The following WDR90 variants were observed in gnomAD, a reference collection of about 807,000 sequenced individuals.
WDR90 encodes WD repeat-containing protein 90.
In WDR90, 238 loss-of-function variants were observed where a neutral mutation model predicts 195.2. The observed-to-expected ratio is 1.22, with a 90% CI of 1.10 to 1.36. The LOEUF is 1.36. Among genes scored for constraint, WDR90 ranks in the 40% most tolerant of loss-of-function variants. WDR90 has a pLI of 0.00. For missense variants in WDR90, 2,734 were observed against 2,439.5 expected, an observed-to-expected ratio of 1.12 and a Z score of -2.54; for synonymous variants, 1,265 against 1,052.4, an observed-to-expected ratio of 1.20 and a Z score of -3.91.
In WDR90 at chr16:666,970, C is replaced by T. The variant is rs544013484; in HGVS notation, c.5070C>T (p.Leu1690=). 2.5e-6 allele frequency: 4 copies of T among 1,608,054 alleles called. No homozygotes were observed. The African/African-American group carries it at 4.0e-5, about 16-fold the overall frequency. ...MSLSLSPGTH[L]LAVGFAECML... ...TGAGCCTGTCCCCCGGGACCCACCT[C>T]CTGGCTGTTGGCTTTGCTGGTGAGT... The change falls in exon 40 of 41, where the codon CTC becomes CTT. Residue 1690 remains leucine, a synonymous_variant. Transcript: ENST00000293879.
Position 650,306 on chromosome 16 carries a change from C to T in WDR90, c.332C>T (p.Ser111Phe). The T allele has an allele frequency of 6.2e-7, 1 of 1,612,980 alleles. No homozygotes were observed. The highest frequency in any genetic ancestry group is 8.5e-7 in the Non-Finnish European group (1 of 1,179,976). The change falls in exon 4 of 41, where the codon TCT (serine) becomes TTT (phenylalanine). Residue 111 changes from serine (S) to phenylalanine (F), a missense_variant. Transcript: ENST00000293879. Reference protein sequence around the residue: ...SFSNLFKEFKSTATWLQFPLV... With the variant: ...SFSNLFKEFKFTATWLQFPLV... ...TCCAACCTCTTCAAGGAGTTTAAGTCTACGGCCACGTGGCTCCAGTTTCCC... is the reference window on the plus strand; with the variant it reads ...TCCAACCTCTTCAAGGAGTTTAAGTTTACGGCCACGTGGCTCCAGTTTCCC...
chr16:665,905 CAG>C (rs2038016029), intron 35 of WDR90, 43 bp from the exon 36 acceptor site: 2 of 1,561,918 alleles, frequency 1.3e-6, no homozygotes, highest in Non-Finnish European at 1.7e-6. Context: ...TGTGTGTCCT[CAG>C]GGCCCCTGTG....
intron 26 of WDR90, among the ~76,000 whole-genome samples, chr16:659,583 G>A (rs1313398884): frequency 6.6e-6 from 1 of 152,132 alleles, no homozygotes; most frequent in Non-Finnish European, 1.5e-5. Context: ...GTCGGGATGG[G>A]GGCAGCTTTT....
intron 34 of WDR90, chr16:663,156 G>C: frequency 2.2e-6 from 1 of 448,450 alleles, no homozygotes; most frequent in South Asian, 1.9e-5. Context: ...AATCACATCA[G>C]TCCGGGCGTG....
Position 650,086 on chromosome 16 carries a change from G to A in WDR90, c.198G>A (p.Gly66=), listed in dbSNP as rs760449642. 37 of 1,613,046 alleles carry A rather than the reference G, an allele frequency of 2.3e-5. No homozygotes were observed. Among genetic ancestry groups the A allele is most frequent in the Non-Finnish European group, 3.0e-5 (35 of 1,179,974 alleles). The change falls in exon 3 of 41, where the codon GGG becomes GGA. Residue 66 remains glycine (G), a synonymous_variant. Transcript: ENST00000293879. ...QLPKSSTQSL[G]LTGRYLYVLF... ...CTAAGAGCAGCACCCAGTCTCTGGG[G>A]CTGACGGGACGATACCTGTATGTGC... is the stretch of plus-strand genomic sequence containing the variant.
chr16:651,526 T>C, intron 7 of WDR90, 118 bp from the exon 8 acceptor site: 1 of 1,091,376 alleles, frequency 9.2e-7, no homozygotes, highest in Non-Finnish European at 1.3e-6. Flanking sequence ...ATACTGGCTG[T>C]GGGTCCTGCA....
intron 28 of WDR90, 80 bp from the exon 29 acceptor site, chr16:660,971 C>CCCTTT: frequency 4.7e-6 from 2 of 426,480 alleles, no homozygotes; most frequent in Non-Finnish European, 7.0e-6. Flanking sequence ...GCCCCGCCCC[C>CCCTTT]TGTTCGGCCC....
rs544266887 is a variant in WDR90, at chr16:657,749, C to T, written c.2474-13C>T. 123 of 1,541,342 alleles carry T rather than the reference C, an allele frequency of 8.0e-5. No individual in the cohort carries two copies. The African/African-American group carries it at 1.3e-3, about 17-fold the overall frequency. On this transcript the variant is annotated splice_polypyrimidine_tract_variant and intron_variant, in intron 20 of 40. Coordinates refer to ENST00000293879, the MANE Select transcript of WDR90 (RefSeq NM_145294.5). ...CTCCCCACCCAGCTGACCCCTGCCC[C>T]GTGTGGCCACAGCGGACATGGTATG...
intron 34 of WDR90, among the ~76,000 whole-genome samples, chr16:664,339 A>G (rs2037981032): frequency 6.6e-6 from 1 of 152,160 alleles, no homozygotes; most frequent in Admixed American, 6.6e-5. Context: ...TCTCACCCTG[A>G]GCATGGTTTC....
In WDR90 at chr16:666,553, T is replaced by C; in HGVS notation, c.4839T>C (p.Cys1613=). The C allele has an allele frequency of 6.2e-7, 1 of 1,612,706 alleles. No homozygotes were observed. The highest frequency in any genetic ancestry group is 1.1e-5 in the South Asian group (1 of 91,070). Residue 1613 remains cysteine (C), a synonymous_variant, in exon 38 of 41, where the codon TGT becomes TGC. Coordinates refer to ENST00000293879, the MANE Select transcript of WDR90 (RefSeq NM_145294.5). ...VWASDWLRNH[C]ELVDWLSFPM... is the part of the protein sequence containing the mutation. ...CCTCCGACTGGCTGCGGAACCACTG[T>C]GAGCTTGTGGACTGGTTGAGTTTCC...
In WDR90 at chr16:651,874, G is replaced by A. The variant is rs1567214399; in HGVS notation, c.888G>A (p.Leu296=). 3 of 1,610,848 alleles carry A rather than the reference G, an allele frequency of 1.9e-6. No homozygotes were observed. Among genetic ancestry groups the A allele is most frequent in the South Asian group, 2.2e-5 (2 of 91,084 alleles). ...LAPRPFPEVS[L]SQERSDASNA... ...CCAGGCCCTTCCCGGAGGTCAGCCT[G>A]TCCCAAGAGCGCTCAGACGCCTCCA... Residue 296 remains leucine (L), a synonymous_variant, in exon 9 of 41, where the codon CTG becomes CTA. Coordinates refer to ENST00000293879, the MANE Select transcript of WDR90 (RefSeq NM_145294.5).
chr16:666,089 CG>C lies in WDR90; in HGVS notation c.4576del (p.Val1526TrpfsTer3). On this transcript the variant is annotated frameshift_variant, in exon 36 of 41. Coordinates refer to ENST00000293879, the MANE Select transcript of WDR90 (RefSeq NM_145294.5). LOFTEE classifies it high-confidence loss of function. Reference sequence around the variant, plus strand: ...ATGGAGCTCAAGATGCACCCCCACCCGGTGGCGCTGACCACTGTTGCCTTCT... The same window carrying C: ...ATGGAGCTCAAGATGCACCCCCACCCGTGGCGCTGACCACTGTTGCCTTCT... ...TAMELKMHPH[P>X]VALTTVAFST... The C allele has an allele frequency of 1.2e-6, 2 of 1,610,308 alleles. No homozygotes were observed.
chr16:658,790 C>A, intron 23 of WDR90, 106 bp from the exon 24 acceptor site: 1 of 1,553,420 alleles, frequency 6.4e-7, no homozygotes. Context: ...ATCCTCTGTG[C>A]CTCCGGGGCC....
At position 649,994 on chromosome 16, in the gene WDR90, A is replaced by G. The variant is rs758429045; in HGVS notation, c.106A>G (p.Lys36Glu). The G allele has an allele frequency of 6.2e-7, 1 of 1,612,566 alleles. No individual in the cohort carries two copies. The highest frequency in any genetic ancestry group is 8.5e-7 in the Non-Finnish European group (1 of 1,179,848). The change falls in exon 3 of 41, where the codon AAG (lysine) becomes GAG (glutamate). Residue 36 changes from lysine (K) to glutamate (E), a missense_variant. By Grantham distance (56) the Lys-to-Glu change is moderately conservative. Coordinates refer to ENST00000293879, the MANE Select transcript of WDR90 (RefSeq NM_145294.5). ...ATGCGGGCTCCCGCTTCTCCAGGAC[A>G]AGACCCTGAAGGGCGCCGTGTATCG... ...KQGDVAVVTD[K>E]TLKGAVYRIR...
Position 655,823 on chromosome 16 carries a change from G to C in WDR90, c.1900G>C (p.Val634Leu), listed in dbSNP as rs769860233. The change falls in exon 17 of 41, where the codon GTG (valine) becomes CTG (leucine). Residue 634 changes from valine (V) to leucine (L), a missense_variant. Coordinates refer to ENST00000293879, the MANE Select transcript of WDR90 (RefSeq NM_145294.5). The part of the protein sequence containing the change: ...SLSVSPAMCA[V>L]GSEDGFLRLW... Reference sequence around the variant, plus strand: ...CAGCGTCTCCCCGGCCATGTGTGCTGTGGGCTCTGAGGACGGCTTCTTGCG... The same window carrying C: ...CAGCGTCTCCCCGGCCATGTGTGCTCTGGGCTCTGAGGACGGCTTCTTGCG... 3 of 1,596,700 alleles carry C rather than the reference G, an allele frequency of 1.9e-6. No individual in the cohort carries two copies. Among genetic ancestry groups the C allele is most frequent in the Non-Finnish European group, 2.6e-6 (3 of 1,173,424 alleles).
chr16:660,276 C>T, intron 27 of WDR90, 115 bp downstream of exon 27: 1 of 961,576 alleles, frequency 1.0e-6, no homozygotes, highest in African/African-American at 1.7e-5. Flanking sequence ...ATGGCTCTGG[C>T]CCTTGGGCGC....
intron 1 of WDR90, 156 bp downstream of exon 1, chr16:649,582 C>T (rs997048236): frequency 4.2e-6 from 5 of 1,177,000 alleles, no homozygotes; most frequent in Middle Eastern, 3.1e-4. Flanking sequence ...CCCTCGGGCT[C>T]CCGGAGCTTG....
At chr16:666,815 C>G in intron 39 of WDR90, 23 bp downstream of exon 39, 1 of 1,612,664 alleles carries the variant, frequency 6.2e-7, no homozygotes, top group Non-Finnish European at 8.5e-7. Context: ...GCCCGCGTGT[C>G]ACTGGGAGCC....
Position 662,709 on chromosome 16 carries a change from G to A in WDR90, c.4176G>A (p.Leu1392=). ...TGTTCATGGAACACGAGCTGGTGCT[G>A]GACGGGGCTGTGGTGAGTGCCAGCT... ...SSVFMEHELV[L]DGAVVSASFD... Residue 1392 remains leucine (L), a synonymous_variant, in exon 34 of 41, where the codon CTG becomes CTA. Transcript: ENST00000293879. 1 of 1,574,434 alleles carries A rather than the reference G, an allele frequency of 6.4e-7. No homozygotes were observed. The highest frequency in any genetic ancestry group is 1.2e-5 in the South Asian group (1 of 85,860).
Sources: gnomAD v4.1 joint callset for allele counts (sites outside exome capture counted in the v4.1 genomes callset) on GRCh38, gnomAD v4.1.1 for gene constraint, MANE v1.5 for transcripts, NCBI Gene and HGNC (gene_info 2026-07-23, HGNC 2026-07-21) for gene names.